Variants in TIAM2 observed in about 807,000 individuals in gnomAD.
TIAM2 encodes the protein rho guanine nucleotide exchange factor TIAM2.
Under a neutral mutation model 152.9 loss-of-function variants are expected in TIAM2, and 80 were observed. That is an observed-to-expected ratio of 0.52 (90% CI 0.44 to 0.63). The LOEUF (loss-of-function observed/expected upper bound fraction) is 0.63, where lower values mean the gene tolerates loss of function less well. TIAM2 is among the 30% of genes least tolerant of loss of function. The pLI, the probability that TIAM2 is intolerant of heterozygous loss-of-function variation, is 0.00. For synonymous variants in TIAM2, 804 were observed against 838.0 expected, an observed-to-expected ratio of 0.96 and a Z score of 0.70; for missense variants, 1,965 against 2,120.1, an observed-to-expected ratio of 0.93 and a Z score of 1.44.
intron 1 of TIAM2, among the ~76,000 whole-genome samples, chr6:155,080,757 G>C (rs755218): frequency 0.23 from 35,374 of 152,028 alleles, 4,706 homozygotes; most frequent in East Asian, 0.42. Flanking sequence ...TCAAGTGCCA[G>C]GTCAAAAATG....
Position 155,106,169 on chromosome 6 carries a change from T to TACTAA in TIAM2, c.-118+15791_-118+15792insCTAAA, listed in dbSNP as rs552909894. 1.6e-4 allele frequency among the ~76,000 whole-genome samples: 25 copies of TACTAA among 152,092 alleles called. No homozygotes were observed. The South Asian group carries it at 5.2e-3, about 32-fold the overall frequency. ...ACAGGCGTGTATCACCACACCTGGC[T>TACTAA]AATTTTTGTAGTTTTAGTAGAGACA... On this transcript the variant is annotated intron_variant, in intron 2 of 26. Transcript: ENST00000682666.
Position 155,255,989 on chromosome 6 carries a change from G to T in TIAM2, c.4469-495G>T, listed in dbSNP as rs377015312. ...CACACCACTGCACTCCAGCCTGGGT[G>T]GCAGAGCAAGACACTGTCTTTAAAA... On this transcript the variant is annotated intron_variant, in intron 26 of 26. Transcript: ENST00000682666. The T allele has an allele frequency of 3.1e-4, 56 of 182,570 alleles. No homozygotes were observed. The South Asian group carries it at 4.2e-3, about 14-fold the overall frequency. 11.3% of individuals were successfully genotyped at this position (182,570 alleles called of 1,614,324 possible).
intron 14 of TIAM2, among the ~76,000 whole-genome samples, chr6:155,210,612 C>T (rs1398557508): frequency 1.3e-5 from 2 of 152,120 alleles, no homozygotes; most frequent in Admixed American, 6.5e-5. Flanking sequence ...CCTGAGATTA[C>T]GGGCATGAGC....
chr6:155,000,335 C>A (rs966770698), intron 1 of TIAM2, among the ~76,000 whole-genome samples: 7 of 151,932 alleles, frequency 4.6e-5, no homozygotes, highest in Non-Finnish European at 8.8e-5. Context: ...GAGTTCAAGA[C>A]CAGCTGACCA....
chr6:155,249,013 A>G (rs142686902), intron 20 of TIAM2, among the ~76,000 whole-genome samples: 26 of 152,356 alleles, frequency 1.7e-4, no homozygotes, highest in South Asian at 8.3e-4. Context: ...GTTAACTTCT[A>G]TAAGTAAATA....
At position 155,104,047 on chromosome 6, in the gene TIAM2, C is replaced by CG. The variant is rs1276096299; in HGVS notation, c.-118+13668_-118+13669insG. Among the ~76,000 whole-genome samples, 67 of 96,144 alleles carry CG rather than the reference C, an allele frequency of 7.0e-4. 2 individuals are homozygous for CG. Among genetic ancestry groups the CG allele is most frequent in the Non-Finnish European group, 1.3e-3 (58 of 44,672 alleles). 63.1% of individuals were successfully genotyped at this position (96,144 alleles called of 152,430 possible). A position where few individuals can be genotyped will look rare whatever the true frequency, so the allele number is the denominator to read the frequency against. ...TTTACCTCACACACACACACCCCCC[C>CG]CCCCACACCCCCACACACCCCCACA... On this transcript the variant is annotated intron_variant, in intron 2 of 26. Coordinates refer to ENST00000682666, the MANE Select transcript of TIAM2 (RefSeq NM_012454.4).
At chr6:155,052,862 T>C (rs1021181624) in intron 1 of TIAM2, among the ~76,000 whole-genome samples, 7 of 152,106 alleles carry the variant, frequency 4.6e-5, no homozygotes, top group Admixed American at 1.3e-4. Context: ...GCCATACGTT[T>C]TATGGTAGAA....
intron 1 of TIAM2, among the ~76,000 whole-genome samples, chr6:155,016,768 T>C (rs1356567258): frequency 1.5e-5 from 2 of 132,738 alleles, no homozygotes; most frequent in Non-Finnish European, 3.1e-5. Context: ...GGTGTGGTGA[T>C]GTGTGCCTGT....
chr6:155,113,396 T>C, intron 2 of TIAM2, among the ~76,000 whole-genome samples: 1 of 152,094 alleles, frequency 6.6e-6, no homozygotes, highest in Non-Finnish European at 1.5e-5. Flanking sequence ...CTTTACTATT[T>C]TGTCAAAGTG....
rs756989064 is a variant in TIAM2 at position 155,183,379 on chromosome 6, G to T, written c.2943G>T (p.Leu981=). The change falls in exon 14 of 27, where the codon CTG becomes CTT. Residue 981 remains leucine, a synonymous_variant. Coordinates refer to ENST00000682666, the MANE Select transcript of TIAM2 (RefSeq NM_012454.4). The stretch of plus-strand genomic sequence containing the variant: ...GGCCTCCGGACACAAAAGCAACCCT[G>T]TGTACATCCTGGTCAGACAGTGACC... ...IARPPDTKAT[L]CTSWSDSDLF... is the part of the protein sequence containing the mutation. 56 of 1,613,724 alleles carry T rather than the reference G, an allele frequency of 3.5e-5. 2 individuals are homozygous for T. The South Asian group carries it at 5.4e-4, about 16-fold the overall frequency.
intron 7 of TIAM2, among the ~76,000 whole-genome samples, chr6:155,157,063 C>T (rs1034286259): frequency 2.0e-5 from 3 of 152,168 alleles, no homozygotes; most frequent in Admixed American, 6.5e-5. Flanking sequence ...CTATAAAATA[C>T]GTGCTCCTGG....
At chr6:155,140,379 G>A (rs2115053545) in intron 5 of TIAM2, among the ~76,000 whole-genome samples, 1 of 152,276 alleles carries the variant, frequency 6.6e-6, no homozygotes, top group Middle Eastern at 3.4e-3. Context: ...TGAATACTTA[G>A]AATGGATGCA....
At chr6:155,205,051 G>A (rs1362511237) in intron 14 of TIAM2, among the ~76,000 whole-genome samples, 7 of 151,744 alleles carry the variant, frequency 4.6e-5, no homozygotes, top group Non-Finnish European at 8.8e-5. Flanking sequence ...ATGAGTCATG[G>A]GTAGAGCCCT....
chr6:155,120,103 A>G (rs1262933178), intron 2 of TIAM2, among the ~76,000 whole-genome samples: 1 of 152,148 alleles, frequency 6.6e-6, no homozygotes, highest in Non-Finnish European at 1.5e-5. Context: ...AAATTGACTT[A>G]CTAAGGTGAT....
At chr6:155,167,172 C>T (rs890949624) in intron 9 of TIAM2, among the ~76,000 whole-genome samples, 1 of 152,056 alleles carries the variant, frequency 6.6e-6, no homozygotes, top group African/African-American at 2.4e-5. Flanking sequence ...TTTATATACT[C>T]ATATACAAAA....
chr6:155,113,193 C>T (rs1045665158), intron 2 of TIAM2, among the ~76,000 whole-genome samples: 4 of 152,170 alleles, frequency 2.6e-5, no homozygotes, highest in African/African-American at 9.7e-5. Context: ...TCTGCTGCGG[C>T]CATGCTGGTC....
Position 155,172,479 on chromosome 6 carries a change from G to T in TIAM2, c.2362-4337G>T, listed in dbSNP as rs531924914. On this transcript the variant is annotated intron_variant, in intron 9 of 26. Transcript: ENST00000682666. Reference sequence around the variant, plus strand: ...CTCCTAACCACCCCACGAGGCTGGCGTTTTTAACCTCTTTTGAAGGTGAAG... The same window carrying T: ...CTCCTAACCACCCCACGAGGCTGGCTTTTTTAACCTCTTTTGAAGGTGAAG... Among the ~76,000 whole-genome samples the T allele has an allele frequency of 3.3e-5, 5 of 151,360 alleles. No individual in the cohort carries two copies. In the East Asian group the frequency reaches 9.7e-4, roughly 29 times the overall value.
At chr6:155,137,086 C>T in intron 4 of TIAM2, 91 bp from the exon 5 acceptor site, 1 of 1,330,856 alleles carries the variant, frequency 7.5e-7, no homozygotes, top group Non-Finnish European at 1.0e-6. Flanking sequence ...ACATTATCAG[C>T]AGCCACTGGT....
intron 1 of TIAM2, among the ~76,000 whole-genome samples, chr6:155,019,155 G>A (rs915887124): frequency 2.8e-4 from 43 of 152,026 alleles, no homozygotes; most frequent in Admixed American, 1.7e-3. Flanking sequence ...GGCCAATGCG[G>A]TGAAACCCCT....
Sources: gnomAD v4.1 joint callset for allele counts (sites outside exome capture counted in the v4.1 genomes callset) on GRCh38, gnomAD v4.1.1 for gene constraint, MANE v1.5 for transcripts, NCBI Gene and HGNC (gene_info 2026-07-23, HGNC 2026-07-21) for gene names.